The following FBXL7 variants were observed in gnomAD, a reference collection of about 807,000 sequenced individuals.
The protein encoded by FBXL7 is F-box/LRR-repeat protein 7.
Under a neutral mutation model 38.3 loss-of-function variants are expected in FBXL7, and 12 were observed. That is an observed-to-expected ratio of 0.31 (90% CI 0.20 to 0.51). FBXL7 has a LOEUF of 0.51. Among genes scored for constraint, FBXL7 ranks in the 20% least tolerant of loss-of-function variants. FBXL7 has a pLI of 0.98. For missense variants in FBXL7, 567 were observed against 676.4 expected, an observed-to-expected ratio of 0.84 and a Z score of 1.79; for synonymous variants, 297 against 300.9, an observed-to-expected ratio of 0.99 and a Z score of 0.13.
rs1705121690 is a variant in FBXL7 at position 15,823,274 on chromosome 5, A to T, written c.128-104616A>T. The stretch of plus-strand genomic sequence containing the variant: ...AGTCCAATGTGTGTCAACAGGGAAT[A>T]TCTATTAGCAAATTCTTTAATCATT... On this transcript the variant is annotated intron_variant, in intron 2 of 3. Transcript: ENST00000504595. Among the ~76,000 whole-genome samples, 6 of 152,336 alleles carry T rather than the reference A, an allele frequency of 3.9e-5. No homozygotes were observed. In the South Asian group the frequency reaches 1.2e-3, roughly 32 times the overall value.
Position 15,520,114 on chromosome 5 carries a change from G to A in FBXL7, c.37+19401G>A, listed in dbSNP as rs565049861. Among the ~76,000 whole-genome samples the A allele has an allele frequency of 1.5e-4, 23 of 152,300 alleles. No individual in the cohort carries two copies. In the East Asian group the frequency reaches 2.3e-3, roughly 15 times the overall value. ...GCATTTGTAAACTGTCCTGGTTGGG[G>A]GAGTGTAGCAGTGAGGACAACCAGA... On this transcript the variant is annotated intron_variant, in intron 1 of 3. Transcript: ENST00000504595.
intron 2 of FBXL7, among the ~76,000 whole-genome samples, chr5:15,654,095 A>G (rs781516279): frequency 1.3e-5 from 2 of 152,234 alleles, no homozygotes; most frequent in Non-Finnish European, 1.5e-5. Flanking sequence ...CCAAACAAAT[A>G]TAACAGTAAA....
chr5:15,932,931 T>C (rs1409183506), intron 3 of FBXL7, among the ~76,000 whole-genome samples: 1 of 152,140 alleles, frequency 6.6e-6, no homozygotes, highest in Non-Finnish European at 1.5e-5. Context: ...ACTTCTTAAG[T>C]CCCTTTCTAA....
intron 1 of FBXL7, among the ~76,000 whole-genome samples, chr5:15,594,962 A>C (rs184604080): frequency 1.1e-3 from 166 of 152,318 alleles, no homozygotes; most frequent in African/African-American, 3.9e-3. Context: ...TTAAAAATAT[A>C]TACCTGTATG....
intron 2 of FBXL7, among the ~76,000 whole-genome samples, chr5:15,924,867 T>C (rs1434237292): frequency 6.6e-6 from 1 of 152,164 alleles, no homozygotes; most frequent in African/African-American, 2.4e-5. Context: ...CCTCAAGTGA[T>C]CCACCCACCT....
chr5:15,821,723 T>C (rs967823785), intron 2 of FBXL7, among the ~76,000 whole-genome samples: 4 of 152,202 alleles, frequency 2.6e-5, no homozygotes, highest in Admixed American at 2.6e-4. Context: ...ACTTTCCAGA[T>C]TTTAAGTGTA....
chr5:15,626,102 T>G (rs1044949767), intron 2 of FBXL7, among the ~76,000 whole-genome samples: 1 of 152,212 alleles, frequency 6.6e-6, no homozygotes, highest in Non-Finnish European at 1.5e-5. Flanking sequence ...TAAACTTAAC[T>G]ATCTTTGGAA....
intron 1 of FBXL7, among the ~76,000 whole-genome samples, chr5:15,518,757 C>G (rs1580348376): frequency 6.6e-6 from 1 of 152,104 alleles, no homozygotes; most frequent in African/African-American, 2.4e-5. Flanking sequence ...GAATCAGGCC[C>G]TTCGTCTCTC....
At chr5:15,794,399 A>G (rs540584627) in intron 2 of FBXL7, among the ~76,000 whole-genome samples, 1 of 152,312 alleles carries the variant, frequency 6.6e-6, no homozygotes, top group South Asian at 2.1e-4. Context: ...AATAAAAGAA[A>G]TTATGTTTGC....
At chr5:15,532,035 G>A (rs1005804139) in intron 1 of FBXL7, among the ~76,000 whole-genome samples, 2 of 152,212 alleles carry the variant, frequency 1.3e-5, no homozygotes, top group African/African-American at 4.8e-5. Context: ...CTGTAATGGT[G>A]TCACATGTTA....
chr5:15,552,419 C>A (rs1738105086), intron 1 of FBXL7, among the ~76,000 whole-genome samples: 1 of 152,194 alleles, frequency 6.6e-6, no homozygotes, highest in South Asian at 2.1e-4. Flanking sequence ...TTCAGGAAGG[C>A]TACAAATTGG....
chr5:15,927,232 ACAG>A (rs1741898442), intron 2 of FBXL7, among the ~76,000 whole-genome samples: 1 of 152,106 alleles, frequency 6.6e-6, no homozygotes, highest in African/African-American at 2.4e-5. Context: ...CTTTTGCACA[ACAG>A]TGGCAGGGCT....
chr5:15,637,003 A>T (rs1741208658), intron 2 of FBXL7, among the ~76,000 whole-genome samples: 1 of 152,160 alleles, frequency 6.6e-6, no homozygotes, highest in East Asian at 1.9e-4. Context: ...TGAATGACAC[A>T]GCCTTGTATT....
intron 2 of FBXL7, among the ~76,000 whole-genome samples, chr5:15,806,195 T>C (rs553586620): frequency 8.5e-5 from 13 of 152,320 alleles, no homozygotes; most frequent in Admixed American, 3.3e-4. Context: ...AGTATGCTTG[T>C]TTAGAGGTTA....
intron 2 of FBXL7, among the ~76,000 whole-genome samples, chr5:15,624,233 G>A (rs1164541942): frequency 1.3e-5 from 2 of 152,094 alleles, no homozygotes; most frequent in Non-Finnish European, 2.9e-5. Context: ...TTGAAATTTG[G>A]CCCCCAATAT....
intron 2 of FBXL7, among the ~76,000 whole-genome samples, chr5:15,628,705 A>C (rs1457685387): frequency 6.6e-6 from 1 of 152,120 alleles, no homozygotes; most frequent in Non-Finnish European, 1.5e-5. Flanking sequence ...CTATAACATT[A>C]ATTTATGCAC....
intron 2 of FBXL7, among the ~76,000 whole-genome samples, chr5:15,703,891 T>G (rs1463220778): frequency 6.7e-6 from 1 of 150,262 alleles, no homozygotes; most frequent in African/African-American, 2.5e-5. Flanking sequence ...TACAATTGTA[T>G]TTTCCCAGAA....
intron 2 of FBXL7, among the ~76,000 whole-genome samples, chr5:15,719,495 G>T (rs760534811): frequency 6.7e-6 from 1 of 148,440 alleles, no homozygotes; most frequent in African/African-American, 2.5e-5. Flanking sequence ...GCAAGTGATC[G>T]CCAGTCTGGG....
intron 2 of FBXL7, among the ~76,000 whole-genome samples, chr5:15,848,073 A>G (rs530973198): frequency 1.3e-5 from 2 of 152,340 alleles, no homozygotes; most frequent in South Asian, 4.1e-4. Flanking sequence ...CTTTGTTTAA[A>G]GCCGTTGAGT....
Sources: gnomAD v4.1 joint callset for allele counts (sites outside exome capture counted in the v4.1 genomes callset) on GRCh38, gnomAD v4.1.1 for gene constraint, MANE v1.5 for transcripts, NCBI Gene and HGNC (gene_info 2026-07-23, HGNC 2026-07-21) for gene names.